The following CMYA5 variants were observed in gnomAD, a reference collection of about 807,000 sequenced individuals.
CMYA5 encodes the protein cardiomyopathy associated 5, also known as cardiomyopathy-associated protein 5.
In CMYA5, 246 loss-of-function variants were observed where a neutral mutation model predicts 318.9. The observed-to-expected ratio is 0.77, with a 90% CI of 0.70 to 0.86. The LOEUF is 0.86. Among genes scored for constraint, CMYA5 ranks in the 40% least tolerant of loss-of-function variants. The pLI is 0.00. For synonymous variants in CMYA5, 1,641 were observed against 1,729.5 expected (o/e 0.95, Z 1.27); for missense variants, 4,589 against 4,678.2 (o/e 0.98, Z 0.56).
Position 79,707,207 on chromosome 5 carries a change from A to T in CMYA5, c.149+17151A>T, listed in dbSNP as rs148421573. Reference sequence around the variant, plus strand: ...GCAAGAATTGTCAGCTTTGAACAGAATAGAGCCAGGAATGATGCACCTGCA... The same window carrying T: ...GCAAGAATTGTCAGCTTTGAACAGATTAGAGCCAGGAATGATGCACCTGCA... On this transcript the variant is annotated intron_variant, in intron 1 of 12. Transcript: ENST00000446378. 4.9e-4 allele frequency among the ~76,000 whole-genome samples: 75 copies of T among 152,326 alleles called. 1 individual carries two copies. Among genetic ancestry groups the T allele is most frequent in the African/African-American group, 1.8e-3 (73 of 41,576 alleles).
rs138743298 is a variant in CMYA5, at chr5:79,772,134, C to A, written c.11555+8925C>A. Among the ~76,000 whole-genome samples, 20 of 151,908 alleles carry A rather than the reference C, an allele frequency of 1.3e-4. 2 individuals are homozygous for A. The East Asian group carries it at 3.5e-3, about 27-fold the overall frequency. On this transcript the variant is annotated intron_variant, in intron 9 of 12. Coordinates refer to ENST00000446378, the MANE Select transcript of CMYA5 (RefSeq NM_153610.5). ...TTCCATTTGTAGGAAAAAAAAAAGA[C>A]CATCCACCAATTTCATTAAGACCAA...
At chr5:79,748,511 A>C in intron 5 of CMYA5, among the ~76,000 whole-genome samples, 1 of 123,148 alleles carries the variant, frequency 8.1e-6, no homozygotes, top group African/African-American at 3.4e-5. Flanking sequence ...CTATCTATCT[A>C]TCTATCTACC....
chr5:79,778,904 T>A (rs1352898805), intron 9 of CMYA5, among the ~76,000 whole-genome samples: 4 of 133,068 alleles, frequency 3.0e-5, no homozygotes, highest in Admixed American at 8.2e-5. Context: ...ATTTTTATTT[T>A]TTTTTTTAAT....
intron 9 of CMYA5, among the ~76,000 whole-genome samples, chr5:79,774,035 C>T (rs1203599568): frequency 1.3e-5 from 2 of 152,210 alleles, no homozygotes; most frequent in Non-Finnish European, 2.9e-5. Flanking sequence ...CATCCATCTT[C>T]AGACCTGCAG....
At chr5:79,778,841 T>TGTGTGTGTGTGTGTGTGTG (rs1410217042) in intron 9 of CMYA5, among the ~76,000 whole-genome samples, 1 of 63,448 alleles carries the variant, frequency 1.6e-5, no homozygotes, top group African/African-American at 1.1e-4. Context: ...GTGTGTATGT[T>TGTGTGTGTGTGTGTGTGTG]TATTCACTCA....
chr5:79,731,236 C>T lies in CMYA5; in HGVS notation c.2471C>T (p.Pro824Leu), dbSNP rs750597355. ...KIINEASQFK[P>L]KGISEHTVLS... ...ATCAATGAGGCATCCCAATTCAAAC[C>T]AAAAGGTATTTCTGAGCACACAGTT... Residue 824 changes from proline (P) to leucine (L), a missense_variant, in exon 2 of 13, where the codon CCA becomes CTA. By Grantham distance (98) the Pro-to-Leu change is moderately conservative (BLOSUM62 -3). Around this residue, in one of 3 missense-constraint regions of CMYA5, gnomAD observed 2,132 missense variants for 2,131.3 expected, o/e 1.00. Coordinates refer to ENST00000446378, the MANE Select transcript of CMYA5 (RefSeq NM_153610.5). 5 of 1,613,852 alleles carry T rather than the reference C, an allele frequency of 3.1e-6. No individual in the cohort carries two copies. In the Admixed American group the frequency reaches 6.7e-5, roughly 22 times the overall value.
At position 79,734,934 on chromosome 5, in the gene CMYA5, G is replaced by A. The variant is rs1467502128; in HGVS notation, c.6169G>A (p.Val2057Met). 1.2e-6 allele frequency: 2 copies of A among 1,613,790 alleles called. No homozygotes were observed. The highest frequency in any genetic ancestry group is 2.2e-5 in the East Asian group (1 of 44,866). ...CCAGAAACCAGTGTCTGGCCTATCA[G>A]TGGAACAGGTGAAGTCAGAAACAAT... ...FFQKPVSGLS[V>M]EQVKSETISS... Residue 2057 changes from valine (V) to methionine (M), a missense_variant, in exon 2 of 13, where the codon GTG (valine) becomes ATG (methionine). Val to Met is a conservative substitution (Grantham distance 21). Transcript: ENST00000446378.
At chr5:79,706,640 G>A (rs997344812) in intron 1 of CMYA5, among the ~76,000 whole-genome samples, 4 of 152,076 alleles carry the variant, frequency 2.6e-5, no homozygotes, top group African/African-American at 9.7e-5. Flanking sequence ...TCCATTCCCA[G>A]AGCTATGAAC....
chr5:79,726,909 A>ATT (rs34198193), intron 1 of CMYA5, among the ~76,000 whole-genome samples: 3,923 of 95,870 alleles, frequency 0.041, 224 homozygotes, highest in Middle Eastern at 0.071. Context: ...TAGGCCAGTG[A>ATT]TTTTTTTTTT....
At chr5:79,704,052 CT>C (rs1441455833) in intron 1 of CMYA5, among the ~76,000 whole-genome samples, 1 of 152,050 alleles carries the variant, frequency 6.6e-6, no homozygotes, top group Admixed American at 6.5e-5. Flanking sequence ...GATTGCACCA[CT>C]GCACTTCAGC....
chr5:79,725,603 A>G (rs888310469), intron 1 of CMYA5, among the ~76,000 whole-genome samples: 3 of 152,226 alleles, frequency 2.0e-5, no homozygotes, highest in African/African-American at 7.2e-5. Context: ...TTCCCCCTGG[A>G]TCTAAAATAA....
In CMYA5 at chr5:79,730,429, T is replaced by C; in HGVS notation, c.1664T>C (p.Val555Ala). Residue 555 changes from valine to alanine, a missense_variant, in exon 2 of 13, where the codon GTG (valine) becomes GCG (alanine). By Grantham distance (64) the Val-to-Ala change is moderately conservative (BLOSUM62 0). Around this residue, in one of 3 missense-constraint regions of CMYA5, gnomAD observed 2,132 missense variants for 2,131.3 expected, o/e 1.00. Coordinates refer to ENST00000446378, the MANE Select transcript of CMYA5 (RefSeq NM_153610.5). ...TTCCCACCACATATGTCCCCTGAAG[T>C]GGAGCACAAAGAAGAAGAGCTTATT... is the stretch of plus-strand genomic sequence containing the variant. ...KPFPPHMSPEVEHKEEELILP... is the reference protein window; with the variant it reads ...KPFPPHMSPEAEHKEEELILP... 1.9e-6 allele frequency: 3 copies of C among 1,613,864 alleles called. No individual in the cohort carries two copies. The highest frequency in any genetic ancestry group is 2.5e-6 in the Non-Finnish European group (3 of 1,179,884).
At position 79,742,080 on chromosome 5, in the gene CMYA5, CT is replaced by C. The variant is rs369755709; in HGVS notation, c.10639-1745del. Among the ~76,000 whole-genome samples the C allele has an allele frequency of 2.4e-4, 11 of 46,486 alleles. 1 individual carries two copies. Among genetic ancestry groups the C allele is most frequent in the Middle Eastern group, 0.012 (1 of 86 alleles). 30.5% of individuals were successfully genotyped at this position (46,486 alleles called of 152,430 possible). A position where few individuals can be genotyped will look rare whatever the true frequency, so the allele number is the denominator to read the frequency against. On this transcript the variant is annotated intron_variant, in intron 2 of 12. Coordinates refer to ENST00000446378, the MANE Select transcript of CMYA5 (RefSeq NM_153610.5). ...TCTTCTTCTTCTTCTTCTTCTTCTTCTTCTTCTTCTTCTTCTTCTTTCTTCT... is the reference window on the plus strand; with the variant it reads ...TCTTCTTCTTCTTCTTCTTCTTCTTCTCTTCTTCTTCTTCTTCTTTCTTCT...
At position 79,690,043 on chromosome 5, in the gene CMYA5, G is replaced by T. The variant is rs928538791; in HGVS notation, c.136G>T (p.Glu46Ter). The T allele has an allele frequency of 1.4e-6, 2 of 1,458,442 alleles. No individual in the cohort carries two copies. The highest frequency in any genetic ancestry group is 1.5e-5 in the African/African-American group (1 of 67,626). 90.3% of individuals were successfully genotyped at this position (1,458,442 alleles called of 1,614,324 possible). A position where few individuals can be genotyped will look rare whatever the true frequency, so the allele number is the denominator to read the frequency against. Residue 46 changes from glutamate to a stop codon, truncating the protein, a stop_gained, in exon 1 of 13, where the codon GAG (glutamate) becomes TAG (stop). Coordinates refer to ENST00000446378, the MANE Select transcript of CMYA5 (RefSeq NM_153610.5). LOFTEE classifies it high-confidence loss of function. ...CGAGACGGCGGCGGAGTCGGAGGAGGAGCCGGACTCCAGGTAGCGCGAGCC... is the reference window on the plus strand; with the variant it reads ...CGAGACGGCGGCGGAGTCGGAGGAGTAGCCGGACTCCAGGTAGCGCGAGCC... ...EDETAAESEE[E>*]PDSRLSDQDE... is the part of the protein sequence containing the mutation.
Position 79,761,916 on chromosome 5 carries a change from C to A in CMYA5, c.11366C>A (p.Thr3789Asn). The change falls in exon 8 of 13, where the codon ACT becomes AAT. Residue 3789 changes from threonine (T) to asparagine (N), a missense_variant. Physicochemically the swap from Thr to Asn is moderately conservative, Grantham distance 65 (BLOSUM62 0). Around this residue, in one of 3 missense-constraint regions of CMYA5, gnomAD observed 2,431 missense variants for 2,495.1 expected, o/e 0.97. Transcript: ENST00000446378. The stretch of plus-strand genomic sequence containing the variant: ...GTGTGGGTGATGGCTGTGAACTTCA[C>A]TGGATGTAGCCTGCCCAGTGAAAGG... ...YQVWVMAVNF[T>N]GCSLPSERAI... 6.2e-7 allele frequency: 1 copy of A among 1,613,718 alleles called. No individual in the cohort carries two copies.
intron 2 of CMYA5, among the ~76,000 whole-genome samples, chr5:79,740,998 C>T (rs948934611): frequency 2.0e-5 from 3 of 152,044 alleles, no homozygotes; most frequent in African/African-American, 7.2e-5. Flanking sequence ...CCTCCCAAGC[C>T]CCAAGTAGCT....
Position 79,735,668 on chromosome 5 carries a change from G to A in CMYA5, c.6903G>A (p.Met2301Ile), listed in dbSNP as rs1561211169. Residue 2301 changes from methionine (M) to isoleucine (I), a missense_variant, in exon 2 of 13, where the codon ATG becomes ATA. By Grantham distance (10) the Met-to-Ile change is conservative. Coordinates refer to ENST00000446378, the MANE Select transcript of CMYA5 (RefSeq NM_153610.5). ...KKEISGDSEE[M>I]NINSVVTSAD... ...AAATCTCAGGCGATTCAGAGGAAAT[G>A]AACATAAACTCAGTAGTTACTTCTG... The A allele has an allele frequency of 1.2e-6, 2 of 1,612,546 alleles. No individual in the cohort carries two copies.
In CMYA5 at chr5:79,799,439, C is replaced by T; in HGVS notation, c.12033C>T (p.Ile4011=). ...HVTERPARVG[I]LLDYNNQRLI... ...CTGAGCGTCCAGCCAGAGTGGGCATCCTGCTGGACTACAACAACCAGAGAC... is the reference window on the plus strand; with the variant it reads ...CTGAGCGTCCAGCCAGAGTGGGCATTCTGCTGGACTACAACAACCAGAGAC... Residue 4011 remains isoleucine, a synonymous_variant, in exon 13 of 13, where the codon ATC becomes ATT. Transcript: ENST00000446378. The T allele has an allele frequency of 1.2e-6, 2 of 1,613,952 alleles. No individual in the cohort carries two copies. Among genetic ancestry groups the T allele is most frequent in the Non-Finnish European group, 1.7e-6 (2 of 1,179,864 alleles).
In CMYA5 at chr5:79,729,210, G is replaced by A. The variant is rs761363412; in HGVS notation, c.445G>A (p.Gly149Ser). 6.2e-7 allele frequency: 1 copy of A among 1,612,670 alleles called. No individual in the cohort carries two copies. The highest frequency in any genetic ancestry group is 1.1e-5 in the South Asian group (1 of 90,648). ...TGGTTCACCATCATTACGCCGGAAA[G>A]GCAACAGAAAAAGAAATTCTTTTGA... is the stretch of plus-strand genomic sequence containing the variant. The part of the protein sequence containing the change: ...KHGSPSLRRK[G>S]NRKRNSFESQ... Residue 149 changes from glycine to serine, a missense_variant, in exon 2 of 13, where the codon GGC becomes AGC. Coordinates refer to ENST00000446378, the MANE Select transcript of CMYA5 (RefSeq NM_153610.5).
Sources: allele counts gnomAD v4.1 joint callset (sites outside exome capture counted in the v4.1 genomes callset), GRCh38; gene constraint gnomAD v4.1.1; regional missense constraint gnomAD v4.1.1; transcripts MANE v1.5; gene names NCBI Gene and HGNC (gene_info 2026-07-23, HGNC 2026-07-21).